The following SNTB2 variants were observed in gnomAD, a reference collection of about 807,000 sequenced individuals.
The protein encoded by SNTB2 is syntrophin beta 2.
A neutral mutation model predicts 46.2 loss-of-function variants in SNTB2; 34 were observed. The ratio of observed to expected loss-of-function variants is 0.74; its 90% CI spans 0.56 to 0.98. The LOEUF (loss-of-function observed/expected upper bound fraction) is 0.98, where lower values mean the gene tolerates loss of function less well. Among genes scored for constraint, SNTB2 ranks in the 50% least tolerant of loss-of-function variants. The pLI is 0.00. For synonymous variants in SNTB2, 290 were observed against 312.6 expected (o/e 0.93, Z 0.76); for missense variants, 603 against 731.4 (o/e 0.82, Z 2.02).
intron 1 of SNTB2, among the ~76,000 whole-genome samples, chr16:69,189,759 C>G (rs533066497): frequency 6.6e-6 from 1 of 152,306 alleles, no homozygotes; most frequent in East Asian, 1.9e-4. Flanking sequence ...CAAAAACAAA[C>G]AACCAACCTA....
intron 4 of SNTB2, among the ~76,000 whole-genome samples, chr16:69,280,859 G>T (rs148383789): frequency 0.058 from 8,697 of 151,148 alleles, 261 homozygotes; most frequent in South Asian, 0.074. Context: ...GTGCAGTGGC[G>T]CAGTCTTGGC....
At chr16:69,242,877 C>G (rs541308909) in intron 1 of SNTB2, among the ~76,000 whole-genome samples, 2 of 151,986 alleles carry the variant, frequency 1.3e-5, no homozygotes, top group Non-Finnish European at 2.9e-5. Flanking sequence ...AAAAATTAGC[C>G]GGGCGTGGTG....
Position 69,187,582 on chromosome 16 carries a change from C to T in SNTB2, c.416C>T (p.Pro139Leu), listed in dbSNP as rs921072416. ...AAGGGCGGCCGCGAGAACCGGATGC[C>T]GATCCTCATCTCCAAGATCTTCCCC... ...SIKGGRENRM[P>L]ILISKIFPGL... Residue 139 changes from proline to leucine, a missense_variant, in exon 1 of 7, where the codon CCG becomes CTG. By Grantham distance (98) the Pro-to-Leu change is moderately conservative (BLOSUM62 -3). This residue lies in a region of SNTB2 where 537 missense variants were observed against 692.4 expected (regional missense o/e 0.78). Coordinates refer to ENST00000336278, the MANE Select transcript of SNTB2 (RefSeq NM_006750.4). 8.5e-6 allele frequency: 13 copies of T among 1,534,806 alleles called. No homozygotes were observed. Among genetic ancestry groups the T allele is most frequent in the African/African-American group, 7.1e-5 (5 of 69,990 alleles).
At chr16:69,280,686 G>T (rs1965033206) in intron 4 of SNTB2, among the ~76,000 whole-genome samples, 2 of 152,330 alleles carry the variant, frequency 1.3e-5, no homozygotes, top group South Asian at 2.1e-4. Context: ...TTTTTTAACT[G>T]GGTGGTTTTC....
At chr16:69,240,793 G>C (rs560329469) in intron 1 of SNTB2, 1 of 152,376 alleles carries the variant, frequency 6.6e-6, no homozygotes, top group Non-Finnish European at 1.5e-5. Context: ...TGTGTTTGCA[G>C]CCGTAGGCTG....
chr16:69,292,396 A>ACGCC, intron 5 of SNTB2, among the ~76,000 whole-genome samples: 1 of 30,934 alleles, frequency 3.2e-5, no homozygotes, highest in African/African-American at 3.4e-4. Context: ...TATATTATAT[A>ACGCC]TATATATATA....
At chr16:69,224,989 T>G (rs1964445408) in intron 1 of SNTB2, among the ~76,000 whole-genome samples, 1 of 152,182 alleles carries the variant, frequency 6.6e-6, no homozygotes, top group South Asian at 2.1e-4. Context: ...TTTACTACAG[T>G]GGAATTCATT....
chr16:69,187,873 T>A, intron 1 of SNTB2, 127 bp downstream of exon 1: 1 of 775,936 alleles, frequency 1.3e-6, no homozygotes, highest in Non-Finnish European at 1.9e-6. Flanking sequence ...CCCGGGTTTC[T>A]GGAGCTTTCA....
At chr16:69,291,509 G>A (rs371313219) in intron 5 of SNTB2, among the ~76,000 whole-genome samples, 2 of 151,966 alleles carry the variant, frequency 1.3e-5, no homozygotes, top group South Asian at 4.1e-4. Context: ...ACCAGAGTTC[G>A]AGACTAGCCT....
At chr16:69,244,763 T>C (rs1283961440) in intron 1 of SNTB2, among the ~76,000 whole-genome samples, 1 of 152,236 alleles carries the variant, frequency 6.6e-6, no homozygotes, top group Non-Finnish European at 1.5e-5. Flanking sequence ...TTGAATATAC[T>C]TTATTTTTGC....
intron 1 of SNTB2, among the ~76,000 whole-genome samples, chr16:69,220,251 T>G (rs1389099111): frequency 7.2e-6 from 1 of 139,422 alleles, no homozygotes; most frequent in East Asian, 2.4e-4. Flanking sequence ...AAGCTCCATC[T>G]CCCAGATTCA....
Position 69,284,326 on chromosome 16 carries a change from CAG to C in SNTB2, c.1345+83_1345+84del, listed in dbSNP as rs1436956221. 11 of 1,207,708 alleles carry C rather than the reference CAG, an allele frequency of 9.1e-6. No individual in the cohort carries two copies. In the Admixed American group the frequency reaches 2.9e-4, roughly 32 times the overall value. The allele number at this position is 1,207,708 out of a possible 1,614,324, so 74.8% of individuals were successfully genotyped here. On this transcript the variant is annotated intron_variant, in intron 5 of 6. Transcript: ENST00000336278. ...ATGTGCTGCATAATGACATTTCAGT[CAG>C]TGATGGATTGCATACATGACAGCAG...
At chr16:69,231,667 T>C (rs1964507572) in intron 1 of SNTB2, among the ~76,000 whole-genome samples, 1 of 152,078 alleles carries the variant, frequency 6.6e-6, no homozygotes, top group African/African-American at 2.4e-5. Flanking sequence ...AAGAAAAATA[T>C]GTAATTTGAA....
Position 69,301,016 on chromosome 16 carries a change from T to A in SNTB2, c.*92T>A. 3.9e-6 allele frequency: 3 copies of A among 761,660 alleles called. No homozygotes were observed. The highest frequency in any genetic ancestry group is 5.2e-5 in the East Asian group (2 of 38,382). 47.2% of individuals were successfully genotyped at this position (761,660 alleles called of 1,614,324 possible). A position where few individuals can be genotyped will look rare whatever the true frequency, so the allele number is the denominator to read the frequency against. On this transcript the variant is annotated 3_prime_UTR_variant, in exon 7 of 7. Transcript: ENST00000336278. ...CACAAAAAGAAACTCTTTGCTCTCC[T>A]TCAGCACAGTGCCTTCCCAAGGACC...
intron 1 of SNTB2, among the ~76,000 whole-genome samples, chr16:69,188,039 G>A (rs1009703702): frequency 2.0e-5 from 3 of 152,070 alleles, no homozygotes; most frequent in Non-Finnish European, 2.9e-5. Context: ...ACTTGAGGGA[G>A]AGCGAACGGC....
chr16:69,204,955 T>C (rs1274216639), intron 1 of SNTB2, among the ~76,000 whole-genome samples: 1 of 152,214 alleles, frequency 6.6e-6, no homozygotes, highest in Non-Finnish European at 1.5e-5. Flanking sequence ...CATATGACCA[T>C]AGTATTTTTA....
chr16:69,217,202 T>C (rs765964456), intron 1 of SNTB2, among the ~76,000 whole-genome samples: 29 of 152,186 alleles, frequency 1.9e-4, no homozygotes, highest in Admixed American at 6.5e-5. Context: ...TTCCCATTTT[T>C]AAAACATGAA....
chr16:69,270,688 TAACTC>T (rs1234052528), intron 4 of SNTB2, among the ~76,000 whole-genome samples: 1 of 152,218 alleles, frequency 6.6e-6, no homozygotes, highest in African/African-American at 2.4e-5. Context: ...ATAAACCACT[TAACTC>T]AGCCAAAATA....
Position 69,300,983 on chromosome 16 carries a change from A to G in SNTB2, c.*59A>G. 9.0e-7 allele frequency: 1 copy of G among 1,111,404 alleles called. No homozygotes were observed. The highest frequency in any genetic ancestry group is 1.3e-5 in the South Asian group (1 of 74,536). 68.8% of individuals were successfully genotyped at this position (1,111,404 alleles called of 1,614,324 possible). A position where few individuals can be genotyped will look rare whatever the true frequency, so the allele number is the denominator to read the frequency against. ...ACAAGAAATATTTCCACCTCAAAAA[A>G]AAAAAAGCACAAAAAGAAACTCTTT... On this transcript the variant is annotated 3_prime_UTR_variant, in exon 7 of 7. Transcript: ENST00000336278.
Sources: allele counts gnomAD v4.1 joint callset (sites outside exome capture counted in the v4.1 genomes callset), GRCh38; gene constraint gnomAD v4.1.1; regional missense constraint gnomAD v4.1.1; transcripts MANE v1.5; gene names NCBI Gene and HGNC (gene_info 2026-07-23, HGNC 2026-07-21).